Variants in PRKG1 observed in about 807,000 individuals in gnomAD.
The protein encoded by PRKG1 is protein kinase cGMP-dependent 1.
Under a neutral mutation model 88.1 loss-of-function variants are expected in PRKG1, and 35 were observed. The observed-to-expected ratio is 0.40, with a 90% confidence interval of 0.30 to 0.53. The LOEUF is 0.53. Among genes scored for constraint, PRKG1 ranks in the 20% least tolerant of loss-of-function variants. The pLI is 0.59. For missense variants in PRKG1, 540 were observed against 839.8 expected, an observed-to-expected ratio of 0.64 and a Z score of 4.41; for synonymous variants, 303 against 292.5, an observed-to-expected ratio of 1.04 and a Z score of -0.37.
intron 1 of PRKG1, among the ~76,000 whole-genome samples, chr10:51,048,409 A>T (rs1325705625): frequency 6.6e-6 from 1 of 152,152 alleles, no homozygotes. Flanking sequence ...TATTCTACAA[A>T]GAGTATAACA....
At chr10:51,755,368 A>G (rs993892390) in intron 3 of PRKG1, among the ~76,000 whole-genome samples, 28 of 152,172 alleles carry the variant, frequency 1.8e-4, no homozygotes, top group Admixed American at 7.2e-4. Flanking sequence ...GAGAGGGGGA[A>G]ATCACTTGAA....
intron 9 of PRKG1, among the ~76,000 whole-genome samples, chr10:52,189,476 C>T (rs1435691831): frequency 6.6e-6 from 1 of 152,182 alleles, no homozygotes; most frequent in African/African-American, 2.4e-5. Context: ...ACTACCTGAG[C>T]TCTGCCCCCT....
At chr10:51,119,151 T>C (rs1384548543) in intron 1 of PRKG1, among the ~76,000 whole-genome samples, 1 of 152,124 alleles carries the variant, frequency 6.6e-6, no homozygotes, top group African/African-American at 2.4e-5. Context: ...AAATTCATAT[T>C]ATTTGTAACA....
At chr10:51,058,270 T>C (rs1330330306) in intron 1 of PRKG1, among the ~76,000 whole-genome samples, 4 of 152,134 alleles carry the variant, frequency 2.6e-5, no homozygotes, top group Non-Finnish European at 5.9e-5. Flanking sequence ...ATATATATTA[T>C]AAATATCTTT....
chr10:51,031,482 A>G (rs545169893), intron 1 of PRKG1, among the ~76,000 whole-genome samples: 2 of 152,286 alleles, frequency 1.3e-5, no homozygotes, highest in Non-Finnish European at 2.9e-5. Context: ...AATAGATATT[A>G]TTTATTATCT....
At chr10:52,120,894 C>T (rs892756258) in intron 7 of PRKG1, among the ~76,000 whole-genome samples, 2 of 152,188 alleles carry the variant, frequency 1.3e-5, no homozygotes, top group African/African-American at 4.8e-5. Flanking sequence ...GGTGATTCTG[C>T]CTCTGTGACA....
chr10:51,713,607 G>C (rs1273924878), intron 3 of PRKG1, among the ~76,000 whole-genome samples: 1 of 152,176 alleles, frequency 6.6e-6, no homozygotes, highest in African/African-American at 2.4e-5. Flanking sequence ...AGATATATAT[G>C]ATTCTTTGGT....
At chr10:51,324,421 G>T (rs1841531111) in intron 2 of PRKG1, among the ~76,000 whole-genome samples, 1 of 152,098 alleles carries the variant, frequency 6.6e-6, no homozygotes, top group African/African-American at 2.4e-5. Flanking sequence ...TGCTGCAAAC[G>T]ACAAGATTTT....
At chr10:51,990,866 T>C (rs1232950845) in intron 5 of PRKG1, among the ~76,000 whole-genome samples, 1 of 110,592 alleles carries the variant, frequency 9.0e-6, no homozygotes, top group Non-Finnish European at 1.7e-5. Flanking sequence ...GGTCTCCAGC[T>C]CCACCCATGT....
In PRKG1 at chr10:51,006,853, C is replaced by T. The variant is rs547499654; in HGVS notation, c.266+15209C>T. 2.0e-5 allele frequency among the ~76,000 whole-genome samples: 3 copies of T among 152,082 alleles called. No homozygotes were observed. In the East Asian group the frequency reaches 5.8e-4, roughly 29 times the overall value. On this transcript the variant is annotated intron_variant, in intron 1 of 17. Coordinates refer to the PRKG1 transcript ENST00000401604. ...TGAGCTGAATAAACCAAGGGCTTCT[C>T]AAACTCTAGTTTACATATGAATCAT... is the stretch of plus-strand genomic sequence containing the variant.
chr10:51,237,484 G>T (rs542782202), intron 2 of PRKG1, among the ~76,000 whole-genome samples: 14 of 152,260 alleles, frequency 9.2e-5, no homozygotes, highest in African/African-American at 3.1e-4. Context: ...TGTTGGAACA[G>T]ATAGACCAAC....
Position 52,188,263 on chromosome 10 carries a change from CATATGT to C in PRKG1, c.1076+26305_1076+26310del, listed in dbSNP as rs1839262166. ...ATACATATATATGTGTATATATATACATATGTATATATATACATATATATGTGTATA... is the reference window on the plus strand; with the variant it reads ...ATACATATATATGTGTATATATATACATATATATACATATATATGTGTATA... On this transcript the variant is annotated intron_variant, in intron 9 of 17. Transcript: ENST00000373980. Among the ~76,000 whole-genome samples the C allele has an allele frequency of 2.5e-4, 22 of 87,338 alleles. No homozygotes were observed. In the Admixed American group the frequency reaches 2.5e-3, roughly 10 times the overall value. The allele number at this position is 87,338 out of a possible 152,430, so 57.3% of individuals were successfully genotyped here.
At chr10:52,263,967 T>C (rs938462303) in intron 10 of PRKG1, among the ~76,000 whole-genome samples, 1 of 152,158 alleles carries the variant, frequency 6.6e-6, no homozygotes, top group African/African-American at 2.4e-5. Context: ...ATTTTCTACA[T>C]GTATGATCTA....
chr10:52,047,521 G>A (rs1845890494), intron 5 of PRKG1, among the ~76,000 whole-genome samples: 1 of 152,124 alleles, frequency 6.6e-6, no homozygotes, highest in South Asian at 2.1e-4. Context: ...TCTAAGGATA[G>A]CAATGGTGAG....
intron 3 of PRKG1, among the ~76,000 whole-genome samples, chr10:51,770,924 T>C (rs888893449): frequency 2.6e-5 from 4 of 152,186 alleles, no homozygotes; most frequent in Non-Finnish European, 5.9e-5. Flanking sequence ...AATGTGTCTT[T>C]AGGTGATTTC....
In PRKG1 at chr10:51,877,478, C is replaced by G. The variant is rs1357102411; in HGVS notation, c.699-30029C>G. ...GTACAATTTGTTGAGCAGCATTTTT[C>G]TGACAAGAATTTGTATTTGATTACA... is the stretch of plus-strand genomic sequence containing the variant. On this transcript the variant is annotated intron_variant, in intron 4 of 17. Transcript: ENST00000373980. Among the ~76,000 whole-genome samples, 5 of 152,230 alleles carry G rather than the reference C, an allele frequency of 3.3e-5. No homozygotes were observed. In the East Asian group the frequency reaches 9.6e-4, roughly 29 times the overall value.
chr10:51,005,731 C>T (rs928263270), intron 1 of PRKG1, among the ~76,000 whole-genome samples: 2 of 152,176 alleles, frequency 1.3e-5, no homozygotes, highest in African/African-American at 4.8e-5. Flanking sequence ...AGGGGACCAG[C>T]TATTTCAGGC....
At chr10:51,774,808 CAG>C (rs1476317579) in intron 3 of PRKG1, among the ~76,000 whole-genome samples, 2 of 151,990 alleles carry the variant, frequency 1.3e-5, no homozygotes, top group Non-Finnish European at 2.9e-5. Flanking sequence ...ATACATAAGA[CAG>C]AGATGAGATG....
chr10:51,183,732 T>C (rs1837412333), intron 2 of PRKG1, among the ~76,000 whole-genome samples: 1 of 152,182 alleles, frequency 6.6e-6, no homozygotes, highest in South Asian at 2.1e-4. Flanking sequence ...TCTGAACATG[T>C]CTTTTAAATA....
Sources: allele counts gnomAD v4.1 joint callset (sites outside exome capture counted in the v4.1 genomes callset), GRCh38; gene constraint gnomAD v4.1.1; transcripts MANE v1.5; gene names NCBI Gene and HGNC (gene_info 2026-07-23, HGNC 2026-07-21).